MARCHF11: variants seen among roughly 807,000 people sequenced by gnomAD.
MARCHF11 encodes the protein membrane associated ring-CH-type finger 11.
A neutral mutation model predicts 37.3 loss-of-function variants in MARCHF11; 29 were observed. The observed-to-expected ratio is 0.78, with a 90% CI of 0.58 to 1.06. MARCHF11 has a LOEUF of 1.06. Among genes scored for constraint, MARCHF11 ranks in the 50% least tolerant of loss-of-function variants. MARCHF11 has a pLI of 0.00. For missense variants in MARCHF11, 482 were observed against 533.4 expected, an observed-to-expected ratio of 0.90 and a Z score of 0.95; for synonymous variants, 233 against 228.0, an observed-to-expected ratio of 1.02 and a Z score of -0.20.
chr5:16,179,099 A>T lies in MARCHF11; in HGVS notation c.477T>A (p.Ala159=). 2.0e-6 allele frequency: 3 copies of T among 1,494,636 alleles called. No homozygotes were observed. Among genetic ancestry groups the T allele is most frequent in the Non-Finnish European group, 1.8e-6 (2 of 1,128,720 alleles). 92.6% of individuals were successfully genotyped at this position (1,494,636 alleles called of 1,614,324 possible). Residue 159 remains alanine (A), a synonymous_variant, in exon 1 of 4, where the codon GCT becomes GCA. Coordinates refer to ENST00000332432, the MANE Select transcript of MARCHF11 (RefSeq NM_001102562.3). ...GCTGGTGGTGCTGGTGCTGGTGCCC[A>T]GCGCGCTGGTCGCCGCCGCCACTGC... The part of the protein sequence containing the change: ...SSSSGGGDQR[A]GHQHQHHQPI...
At chr5:16,132,042 T>A (rs964054181) in intron 2 of MARCHF11, among the ~76,000 whole-genome samples, 1 of 152,224 alleles carries the variant, frequency 6.6e-6, no homozygotes, top group Non-Finnish European at 1.5e-5. Flanking sequence ...ATTCATTTCA[T>A]CCCTGATCCA....
chr5:16,144,885 G>A (rs1737774879), intron 2 of MARCHF11, among the ~76,000 whole-genome samples: 1 of 152,210 alleles, frequency 6.6e-6, no homozygotes, highest in South Asian at 2.1e-4. Context: ...TAAATGCCAT[G>A]TGCATGCCAC....
intron 3 of MARCHF11, among the ~76,000 whole-genome samples, chr5:16,079,912 C>T (rs549137967): frequency 2.3e-3 from 349 of 152,240 alleles, no homozygotes; most frequent in Non-Finnish European, 3.0e-3. Context: ...GCTGGGCTCT[C>T]GTCTCTTCAG....
At chr5:16,108,171 C>T (rs1326782249) in intron 2 of MARCHF11, among the ~76,000 whole-genome samples, 2 of 152,200 alleles carry the variant, frequency 1.3e-5, no homozygotes, top group Non-Finnish European at 2.9e-5. Context: ...CTTTGGGAGT[C>T]ACAGGCACCC....
intron 2 of MARCHF11, among the ~76,000 whole-genome samples, chr5:16,130,636 T>C (rs968424738): frequency 1.3e-5 from 2 of 152,104 alleles, no homozygotes; most frequent in Non-Finnish European, 2.9e-5. Context: ...CAAACAAAAA[T>C]AGCAATTTTA....
intron 3 of MARCHF11, among the ~76,000 whole-genome samples, chr5:16,069,245 C>T (rs1328427308): frequency 6.6e-6 from 1 of 151,980 alleles, no homozygotes; most frequent in Non-Finnish European, 1.5e-5. Flanking sequence ...CAGAAAGAAA[C>T]AACCAGAATG....
intron 2 of MARCHF11, among the ~76,000 whole-genome samples, chr5:16,096,184 A>T (rs779981233): frequency 1.3e-5 from 2 of 152,178 alleles, no homozygotes; most frequent in Non-Finnish European, 2.9e-5. Flanking sequence ...AGTCATACCT[A>T]CTTGAAAGGT....
At chr5:16,107,714 T>A (rs934233546) in intron 2 of MARCHF11, among the ~76,000 whole-genome samples, 7 of 151,922 alleles carry the variant, frequency 4.6e-5, no homozygotes, top group African/African-American at 1.7e-4. Context: ...TGTACCCATA[T>A]AAATACCGAA....
At chr5:16,093,476 T>G (rs1271148219) in intron 2 of MARCHF11, among the ~76,000 whole-genome samples, 1 of 152,170 alleles carries the variant, frequency 6.6e-6, no homozygotes, top group Non-Finnish European at 1.5e-5. Flanking sequence ...ATGGAAGTGA[T>G]GGTTGGATGC....
At chr5:16,118,114 C>G (rs567150429) in intron 2 of MARCHF11, among the ~76,000 whole-genome samples, 1 of 152,250 alleles carries the variant, frequency 6.6e-6, no homozygotes, top group African/African-American at 2.4e-5. Context: ...CAGAAGAGTG[C>G]CAAGCACCTG....
intron 2 of MARCHF11, among the ~76,000 whole-genome samples, chr5:16,153,538 G>T (rs1737921749): frequency 6.6e-6 from 1 of 151,976 alleles, no homozygotes. Context: ...AGAAAAGGTG[G>T]AATTCTAATT....
At chr5:16,088,747 AT>A in intron 3 of MARCHF11, among the ~76,000 whole-genome samples, 1 of 152,266 alleles carries the variant, frequency 6.6e-6, no homozygotes, top group African/African-American at 2.4e-5. Context: ...GAATTCTTTA[AT>A]TTTTTTCAAA....
intron 2 of MARCHF11, among the ~76,000 whole-genome samples, chr5:16,091,545 T>C (rs541166493): frequency 6.6e-4 from 100 of 152,200 alleles, no homozygotes; most frequent in Non-Finnish European, 1.0e-3. Flanking sequence ...AAATAAGTTA[T>C]ATAAGAACAT....
At chr5:16,133,706 G>T (rs949232798) in intron 2 of MARCHF11, among the ~76,000 whole-genome samples, 1 of 151,978 alleles carries the variant, frequency 6.6e-6, no homozygotes, top group Non-Finnish European at 1.5e-5. Flanking sequence ...ATTTAAAACA[G>T]AGTGTCCAAT....
At chr5:16,096,012 C>A (rs149131475) in intron 2 of MARCHF11, among the ~76,000 whole-genome samples, 401 of 152,326 alleles carry the variant, frequency 2.6e-3, no homozygotes, top group Non-Finnish European at 4.8e-3. Context: ...TCCACTCTGG[C>A]CAAGCCACCA....
At chr5:16,088,329 G>T (rs978328544) in intron 3 of MARCHF11, among the ~76,000 whole-genome samples, 1 of 152,178 alleles carries the variant, frequency 6.6e-6, no homozygotes, top group African/African-American at 2.4e-5. Flanking sequence ...CCTTGGGGAA[G>T]GAAAGTGGGT....
chr5:16,080,179 G>A (rs544195914), intron 3 of MARCHF11, among the ~76,000 whole-genome samples: 37 of 152,176 alleles, frequency 2.4e-4, no homozygotes, highest in African/African-American at 2.9e-4. Context: ...CTGCGGTCTC[G>A]CATCCATCCA....
At chr5:16,134,780 C>T (rs185028329) in intron 2 of MARCHF11, among the ~76,000 whole-genome samples, 2 of 151,914 alleles carry the variant, frequency 1.3e-5, no homozygotes, top group Admixed American at 1.3e-4. Flanking sequence ...AGTTATGCAG[C>T]CATTACAAAA....
Position 16,179,503 on chromosome 5 carries a change from G to A in MARCHF11, c.73C>T (p.Gln25Ter). The change falls in exon 1 of 4, where the codon CAA becomes TAA. Residue 25 changes from glutamine (Q) to a stop codon, truncating the protein, a stop_gained. Transcript: ENST00000332432. LOFTEE classifies it high-confidence loss of function. ...AESGDAEPPP[Q>*]PPPPPPPTPP... is the part of the protein sequence containing the mutation. ...GTCGGCGGCGGCGGCGGGGGAGGTT[G>A]CGGGGGAGGCTCGGCGTCCCCGCTC... The A allele has an allele frequency of 8.6e-7, 1 of 1,166,422 alleles. No individual in the cohort carries two copies. Among genetic ancestry groups the A allele is most frequent in the Non-Finnish European group, 1.1e-6 (1 of 946,510 alleles). The allele number at this position is 1,166,422 out of a possible 1,614,324, so 72.3% of individuals were successfully genotyped here.
Sources: gnomAD v4.1 joint callset for allele counts (sites outside exome capture counted in the v4.1 genomes callset) on GRCh38, gnomAD v4.1.1 for gene constraint, MANE v1.5 for transcripts, NCBI Gene and HGNC (gene_info 2026-07-23, HGNC 2026-07-21) for gene names.